The following GALNT2 variants were observed in gnomAD, a reference collection of about 807,000 sequenced individuals.
GALNT2 encodes UDP-GalNAc:polypeptide N-acetylgalactosaminyltransferase 2.
GALNT2 carries 31 observed loss-of-function variants against 81.4 expected under a neutral mutation model. That is an observed-to-expected ratio of 0.38 (90% CI 0.29 to 0.51). The LOEUF (loss-of-function observed/expected upper bound fraction) is 0.51, where lower values mean the gene tolerates loss of function less well. GALNT2 is among the 20% of genes least tolerant of loss of function. The pLI is 0.87. For synonymous variants in GALNT2, 303 were observed against 287.4 expected, an observed-to-expected ratio of 1.05 and a Z score of -0.55; for missense variants, 629 against 765.7, an observed-to-expected ratio of 0.82 and a Z score of 2.11.
At chr1:230,138,119 T>C (rs6681172) in intron 1 of GALNT2, among the ~76,000 whole-genome samples, 121,331 of 152,148 alleles carry the variant, frequency 0.8, 49,226 homozygotes, top group African/African-American at 0.95. Context: ...ATTGCCCAAG[T>C]GTTACTGGAA....
intron 1 of GALNT2, among the ~76,000 whole-genome samples, chr1:230,089,601 G>A (rs534706853): frequency 6.6e-6 from 1 of 152,230 alleles, no homozygotes; most frequent in South Asian, 2.1e-4. Flanking sequence ...TGGCGGCCAG[G>A]GTTCTACCTT....
chr1:230,138,216 C>T (rs754070334), intron 1 of GALNT2, among the ~76,000 whole-genome samples: 3 of 152,134 alleles, frequency 2.0e-5, no homozygotes, highest in African/African-American at 4.8e-5. Flanking sequence ...AAAGTGAAAG[C>T]GAGTTTATTA....
At chr1:230,218,894 G>T (rs116622929) in intron 3 of GALNT2, among the ~76,000 whole-genome samples, 175 of 152,322 alleles carry the variant, frequency 1.1e-3, no homozygotes, top group African/African-American at 4.0e-3. Flanking sequence ...AAACATTACC[G>T]CCTGAGCTCC....
intron 2 of GALNT2, among the ~76,000 whole-genome samples, chr1:230,198,631 G>A (rs929941246): frequency 1.3e-5 from 2 of 152,164 alleles, no homozygotes; most frequent in Non-Finnish European, 1.5e-5. Flanking sequence ...TGGGACTAGC[G>A]CAGACCTCAT....
chr1:230,109,428 T>TG (rs1490606998), intron 1 of GALNT2, among the ~76,000 whole-genome samples: 52 of 152,108 alleles, frequency 3.4e-4, no homozygotes, highest in Non-Finnish European at 5.7e-4. Flanking sequence ...AACAGGTTCT[T>TG]GGGGGACAGA....
intron 1 of GALNT2, among the ~76,000 whole-genome samples, chr1:230,126,303 C>T (rs2102807021): frequency 6.6e-6 from 1 of 152,306 alleles, no homozygotes; most frequent in East Asian, 1.9e-4. Flanking sequence ...AGGCACCCCT[C>T]TGCAGAATGT....
At chr1:230,108,601 T>C (rs1291477998) in intron 1 of GALNT2, among the ~76,000 whole-genome samples, 2 of 152,220 alleles carry the variant, frequency 1.3e-5, no homozygotes, top group African/African-American at 4.8e-5. Context: ...ACACTGTAAG[T>C]TGGAAACATC....
intron 1 of GALNT2, among the ~76,000 whole-genome samples, chr1:230,123,000 A>G (rs1026781063): frequency 2.0e-5 from 3 of 152,168 alleles, no homozygotes; most frequent in Non-Finnish European, 4.4e-5. Context: ...TTATCAAGAC[A>G]TTGTTATAAA....
At chr1:230,182,076 A>G (rs1034587762) in intron 2 of GALNT2, among the ~76,000 whole-genome samples, 13 of 152,138 alleles carry the variant, frequency 8.5e-5, no homozygotes, top group Non-Finnish European at 1.8e-4. Context: ...TGGGATCTGT[A>G]GTTATATCCC....
intron 1 of GALNT2, among the ~76,000 whole-genome samples, chr1:230,149,117 G>A (rs1445372976): frequency 6.6e-6 from 1 of 152,204 alleles, no homozygotes; most frequent in East Asian, 1.9e-4. Flanking sequence ...CTGGGCTCAG[G>A]CAGTCCACCT....
intron 2 of GALNT2, among the ~76,000 whole-genome samples, chr1:230,189,124 GC>G: frequency 6.6e-6 from 1 of 152,322 alleles, no homozygotes; most frequent in East Asian, 1.9e-4. Context: ...GGTCAACGTG[GC>G]CTTTTGGAGC....
intron 3 of GALNT2, among the ~76,000 whole-genome samples, chr1:230,216,893 C>A (rs185138349): frequency 1.8e-3 from 271 of 152,212 alleles, no homozygotes; most frequent in Non-Finnish European, 3.1e-3. Context: ...AAAATCCACA[C>A]CTCTTTGGAA....
intron 1 of GALNT2, among the ~76,000 whole-genome samples, chr1:230,092,191 T>TTTTTTGTTTGTTTTTG: frequency 6.7e-6 from 1 of 149,510 alleles, no homozygotes; most frequent in African/African-American, 2.5e-5. Context: ...TTTTTTTTTT[T>TTTTTTGTTTGTTTTTG]TTTTTGCACT....
intron 1 of GALNT2, among the ~76,000 whole-genome samples, chr1:230,125,381 C>G (rs1030201206): frequency 6.6e-6 from 1 of 152,154 alleles, no homozygotes; most frequent in Non-Finnish European, 1.5e-5. Context: ...AGTTTCCTAG[C>G]GACCCCTCCC....
intron 1 of GALNT2, among the ~76,000 whole-genome samples, chr1:230,114,336 C>G (rs1029890829): frequency 2.0e-5 from 3 of 152,224 alleles, no homozygotes; most frequent in Non-Finnish European, 4.4e-5. Flanking sequence ...TCAATTTTCC[C>G]TGGTGAAGAC....
intron 1 of GALNT2, among the ~76,000 whole-genome samples, chr1:230,109,651 A>G (rs1660645473): frequency 6.6e-6 from 1 of 152,170 alleles, no homozygotes; most frequent in East Asian, 1.9e-4. Flanking sequence ...AACATGGTGA[A>G]ACCCCATCTC....
intron 1 of GALNT2, among the ~76,000 whole-genome samples, chr1:230,134,852 C>A (rs1330703957): frequency 6.6e-6 from 1 of 152,182 alleles, no homozygotes; most frequent in Non-Finnish European, 1.5e-5. Flanking sequence ...CTCAGAAAAT[C>A]CAAGGCCAGT....
At chr1:230,072,059 AGACCCGCT>A (rs781112744) in intron 1 of GALNT2, among the ~76,000 whole-genome samples, 16 of 152,048 alleles carry the variant, frequency 1.1e-4, no homozygotes, top group Non-Finnish European at 2.1e-4. Flanking sequence ...ATGAGTCTTC[AGACCCGCT>A]GTCAGTTTCC....
intron 11 of GALNT2, 138 bp downstream of exon 11, chr1:230,255,482 G>A: frequency 8.5e-7 from 1 of 1,171,608 alleles, no homozygotes; most frequent in Non-Finnish European, 1.2e-6. Flanking sequence ...CTTAGCAATT[G>A]AAAGGCGCAT....
Sources: allele counts gnomAD v4.1 joint callset (sites outside exome capture counted in the v4.1 genomes callset), GRCh38; gene constraint gnomAD v4.1.1; transcripts MANE v1.5; gene names NCBI Gene and HGNC (gene_info 2026-07-23, HGNC 2026-07-21).